HNF1B: variants seen among roughly 807,000 people sequenced by gnomAD.
The protein encoded by HNF1B is HNF1 homeobox B, also known as hepatocyte nuclear factor 1-beta.
Under a neutral mutation model 61.7 loss-of-function variants are expected in HNF1B, and 8 were observed. That is an observed-to-expected ratio of 0.13 (90% CI 0.08 to 0.23). The LOEUF (loss-of-function observed/expected upper bound fraction) is 0.23. HNF1B is among the 10% of genes least tolerant of loss of function. The pLI, the probability that HNF1B is intolerant of heterozygous loss-of-function variation, is 1.00. For missense variants in HNF1B, 562 were observed against 714.5 expected, an observed-to-expected ratio of 0.79 and a Z score of 2.43; for synonymous variants, 314 against 287.7, an observed-to-expected ratio of 1.09 and a Z score of -0.93.
chr17:37,707,297 G>T (rs932750768), intron 5 of HNF1B, among the ~76,000 whole-genome samples: 1 of 151,780 alleles, frequency 6.6e-6, no homozygotes, highest in Non-Finnish European at 1.5e-5. Context: ...TTTATTTTTT[G>T]TAGGGACAGG....
intron 5 of HNF1B, among the ~76,000 whole-genome samples, chr17:37,707,778 T>C (rs2032800237): frequency 6.6e-6 from 1 of 152,072 alleles, no homozygotes; most frequent in African/African-American, 2.4e-5. Flanking sequence ...TCTTTTTTTT[T>C]TTTTTAAAGG....
At chr17:37,719,432 T>C (rs1252841015) in intron 4 of HNF1B, among the ~76,000 whole-genome samples, 1 of 152,168 alleles carries the variant, frequency 6.6e-6, no homozygotes, top group African/African-American at 2.4e-5. Context: ...TAATGGGAAT[T>C]TACTGTGGCA....
chr17:37,713,705 G>A (rs537507034), intron 4 of HNF1B, among the ~76,000 whole-genome samples: 8 of 152,170 alleles, frequency 5.3e-5, no homozygotes, highest in Non-Finnish European at 4.4e-5. Context: ...GCCAGAGGAC[G>A]GCCCACTGTG....
Position 37,699,371 on chromosome 17 carries a change from A to G in HNF1B, c.1535-177T>C, listed in dbSNP as rs2269841. On this transcript the variant is annotated intron_variant, in intron 7 of 8. Transcript: ENST00000617811. ...GATTCATGTAAATTCCAAGTCACAT[A>G]ACCAACTCCCGAAAGCATGTGGATG... is the stretch of plus-strand genomic sequence containing the variant. Among the ~76,000 whole-genome samples, 51,223 of 152,126 alleles carry G rather than the reference A, an allele frequency of 0.34. 9,229 individuals carry two copies. The highest frequency in any genetic ancestry group is 0.47 in the African/African-American group (19,701 of 41,476).
intron 4 of HNF1B, among the ~76,000 whole-genome samples, chr17:37,721,793 A>G: frequency 6.6e-6 from 1 of 151,860 alleles, no homozygotes; most frequent in East Asian, 1.9e-4. Flanking sequence ...AATGGGCACA[A>G]AGTGCTTAAT....
chr17:37,742,766 G>A (rs574703016), intron 1 of HNF1B, among the ~76,000 whole-genome samples: 67 of 151,618 alleles, frequency 4.4e-4, no homozygotes, highest in African/African-American at 1.5e-3. Context: ...GCCTGCGGGT[G>A]TCGGCGACCC....
chr17:37,734,738 GTAATACA>G (rs1399778845), intron 2 of HNF1B, among the ~76,000 whole-genome samples: 1 of 151,838 alleles, frequency 6.6e-6, no homozygotes, highest in Admixed American at 6.6e-5. Flanking sequence ...GCAAAGACAC[GTAATACA>G]TTCATCTCCT....
intron 4 of HNF1B, among the ~76,000 whole-genome samples, chr17:37,722,102 T>C (rs1399759650): frequency 1.3e-5 from 2 of 152,148 alleles, no homozygotes; most frequent in Admixed American, 1.3e-4. Context: ...TGGAGAGAGA[T>C]TTGAGAACCA....
intron 1 of HNF1B, among the ~76,000 whole-genome samples, chr17:37,743,154 G>A (rs1158604130): frequency 6.6e-6 from 1 of 152,204 alleles, no homozygotes; most frequent in African/African-American, 2.4e-5. Flanking sequence ...GGCGCCTGCG[G>A]CCGAGTGGGA....
chr17:37,687,961 C>A (rs1017576031), intron 8 of HNF1B, among the ~76,000 whole-genome samples: 3 of 152,218 alleles, frequency 2.0e-5, no homozygotes, highest in African/African-American at 7.2e-5. Flanking sequence ...TCACCTAGGG[C>A]AGCAAGGCCA....
At chr17:37,709,796 G>T (rs2147471170) in intron 5 of HNF1B, among the ~76,000 whole-genome samples, 1 of 152,192 alleles carries the variant, frequency 6.6e-6, no homozygotes, top group African/African-American at 2.4e-5. Flanking sequence ...CAAGTCTATT[G>T]TTACCGCCCC....
At chr17:37,743,693 G>C (rs1475032738) in intron 1 of HNF1B, among the ~76,000 whole-genome samples, 1 of 152,254 alleles carries the variant, frequency 6.6e-6, no homozygotes, top group African/African-American at 2.4e-5. Flanking sequence ...AGCTGTCAAA[G>C]TCTAGGGCGG....
intron 7 of HNF1B, 42 bp downstream of exon 7, chr17:37,700,941 G>T: frequency 6.5e-7 from 1 of 1,533,926 alleles, no homozygotes; most frequent in Non-Finnish European, 8.8e-7. Flanking sequence ...TGGCCACTGA[G>T]GGTCCTGAGT....
At position 37,710,473 on chromosome 17, in the gene HNF1B, C is replaced by T. The variant is rs770423262; in HGVS notation, c.1206+30G>A. 5 of 1,613,554 alleles carry T rather than the reference C, an allele frequency of 3.1e-6. No homozygotes were observed. In the South Asian group the frequency reaches 4.4e-5, roughly 14 times the overall value. On this transcript the variant is annotated intron_variant, in intron 5 of 8. Coordinates refer to ENST00000617811, the MANE Select transcript of HNF1B (RefSeq NM_000458.4). ...TGTTTTGCCTCTTATCTTATCAGCT[C>T]CAGAGCGACAATGGCCCAGGTGTAC...
intron 8 of HNF1B, among the ~76,000 whole-genome samples, chr17:37,688,624 C>T (rs1298582926): frequency 6.6e-6 from 1 of 152,158 alleles, no homozygotes; most frequent in Admixed American, 6.5e-5. Context: ...GGCCACTCAG[C>T]ATGTGCTCTT....
rs568720668 is a variant in HNF1B at position 37,724,971 on chromosome 17, TTC to T, written c.1045+6622_1045+6623del. Among the ~76,000 whole-genome samples, 674 of 151,670 alleles carry T rather than the reference TTC, an allele frequency of 4.4e-3. 3 individuals are homozygous for T. Among genetic ancestry groups the T allele is most frequent in the Middle Eastern group, 6.8e-3 (2 of 292 alleles). The stretch of plus-strand genomic sequence containing the variant: ...ATAATACATATATATGTATGTATAT[TTC>T]TCTCTCTCCTCTTCATTTGTGTTTA... On this transcript the variant is annotated intron_variant, in intron 4 of 8. Transcript: ENST00000617811.
intron 1 of HNF1B, among the ~76,000 whole-genome samples, chr17:37,740,885 T>C (rs2033972838): frequency 6.6e-6 from 1 of 152,252 alleles, no homozygotes; most frequent in South Asian, 2.1e-4. Context: ...TTTGCCAATA[T>C]CTTTTCTTGC....
At chr17:37,712,133 G>A (rs1267548137) in intron 4 of HNF1B, among the ~76,000 whole-genome samples, 1 of 152,238 alleles carries the variant, frequency 6.6e-6, no homozygotes, top group Non-Finnish European at 1.5e-5. Flanking sequence ...TAACCTTCAA[G>A]AGCAACTTGT....
chr17:37,740,105 A>G (rs73297562), intron 1 of HNF1B, among the ~76,000 whole-genome samples: 4,843 of 152,052 alleles, frequency 0.032, 152 homozygotes, highest in African/African-American at 0.078. Flanking sequence ...AGTAACTGGG[A>G]TTATAGATGC....
Sources: allele counts gnomAD v4.1 joint callset (sites outside exome capture counted in the v4.1 genomes callset), GRCh38; gene constraint gnomAD v4.1.1; transcripts MANE v1.5; gene names NCBI Gene and HGNC (gene_info 2026-07-23, HGNC 2026-07-21).